Variants in MCU observed in about 807,000 individuals in gnomAD.
The protein encoded by MCU is calcium uniporter protein, mitochondrial.
Under a neutral mutation model 45.2 loss-of-function variants are expected in MCU, and 12 were observed. That is an observed-to-expected ratio of 0.27 (90% CI 0.17 to 0.43). The LOEUF is 0.43. MCU is among the 20% of genes least tolerant of loss of function. The probability of loss-of-function intolerance (pLI) is 1.00; values close to 1 mark genes in which losing one functional copy is unlikely to be tolerated. For synonymous variants in MCU, 160 were observed against 165.1 expected, an observed-to-expected ratio of 0.97 and a Z score of 0.24; for missense variants, 324 against 436.7, an observed-to-expected ratio of 0.74 and a Z score of 2.30.
chr10:72,868,597 C>G, intron 4 of MCU, 106 bp from the exon 5 acceptor site: 2 of 941,564 alleles, frequency 2.1e-6, no homozygotes, highest in Non-Finnish European at 3.2e-6. Context: ...CAGTTTAACA[C>G]TGAAGGTGAG....
At chr10:72,719,663 T>C (rs1274097870) in intron 1 of MCU, among the ~76,000 whole-genome samples, 1 of 152,238 alleles carries the variant, frequency 6.6e-6, no homozygotes, top group African/African-American at 2.4e-5. Flanking sequence ...CAGAGCTCTT[T>C]TTGTGATTTT....
At chr10:72,722,439 G>A (rs1436347262) in intron 1 of MCU, among the ~76,000 whole-genome samples, 1 of 148,958 alleles carries the variant, frequency 6.7e-6, no homozygotes, top group African/African-American at 2.5e-5. Context: ...TTAACCTCCC[G>A]CTTGACTTAG....
chr10:72,721,356 A>T (rs1204581417), intron 1 of MCU, among the ~76,000 whole-genome samples: 1 of 152,144 alleles, frequency 6.6e-6, no homozygotes, highest in African/African-American at 2.4e-5. Context: ...TTACTGGTAT[A>T]ATTACTCCCA....
intron 5 of MCU, among the ~76,000 whole-genome samples, chr10:72,869,663 A>G (rs776100566): frequency 2.0e-5 from 3 of 152,216 alleles, no homozygotes; most frequent in Non-Finnish European, 4.4e-5. Context: ...AAAAATCAAT[A>G]TAATGACTAT....
chr10:72,729,720 TACTC>T (rs1843145864), intron 1 of MCU, among the ~76,000 whole-genome samples: 1 of 152,158 alleles, frequency 6.6e-6, no homozygotes, highest in African/African-American at 2.4e-5. Context: ...TAGGTGGTAA[TACTC>T]AGTTACTCAA....
intron 1 of MCU, among the ~76,000 whole-genome samples, chr10:72,716,844 G>A (rs1377003489): frequency 1.3e-5 from 2 of 152,150 alleles, no homozygotes; most frequent in Admixed American, 1.3e-4. Flanking sequence ...TTGTACTCCA[G>A]CCTGGATGAC....
intron 1 of MCU, among the ~76,000 whole-genome samples, chr10:72,816,484 T>G (rs1844628559): frequency 6.6e-6 from 1 of 152,148 alleles, no homozygotes. Context: ...CAACAGTGAT[T>G]AAGACTAAGA....
intron 1 of MCU, among the ~76,000 whole-genome samples, chr10:72,758,363 A>C (rs142760082): frequency 6.6e-6 from 1 of 152,244 alleles, no homozygotes; most frequent in African/African-American, 2.4e-5. Context: ...ATTTATGTCA[A>C]AGAGGAATAT....
At chr10:72,794,064 T>C (rs907903844) in intron 1 of MCU, among the ~76,000 whole-genome samples, 29 of 152,216 alleles carry the variant, frequency 1.9e-4, no homozygotes, top group African/African-American at 7.0e-4. Context: ...AGGATCTCAT[T>C]ATCTAAATCA....
intron 1 of MCU, among the ~76,000 whole-genome samples, chr10:72,779,200 C>G (rs986988350): frequency 2.0e-5 from 3 of 152,150 alleles, no homozygotes; most frequent in Admixed American, 1.3e-4. Flanking sequence ...AATCTCTTGA[C>G]TTCGTGATCC....
chr10:72,805,256 C>CT (rs796813461), intron 1 of MCU, among the ~76,000 whole-genome samples: 154 of 124,002 alleles, frequency 1.2e-3, no homozygotes, highest in African/African-American at 4.3e-3. Context: ...TTCCTTTCTT[C>CT]TTTTTTTTTG....
intron 1 of MCU, among the ~76,000 whole-genome samples, chr10:72,833,724 C>T (rs189495133): frequency 1.3e-5 from 2 of 152,272 alleles, no homozygotes; most frequent in Admixed American, 1.3e-4. Context: ...GTTATGAGAA[C>T]CTGAGTCCCA....
intron 1 of MCU, among the ~76,000 whole-genome samples, chr10:72,806,879 A>G (rs960365442): frequency 6.6e-6 from 1 of 152,268 alleles, no homozygotes; most frequent in African/African-American, 2.4e-5. Context: ...CCATGAGGCC[A>G]GAAGCAAGCT....
At chr10:72,882,333 AAG>A (rs1845715273) in intron 6 of MCU, among the ~76,000 whole-genome samples, 1 of 152,256 alleles carries the variant, frequency 6.6e-6, no homozygotes, top group Non-Finnish European at 1.5e-5. Flanking sequence ...TTCAGGGAAT[AAG>A]AGAGATAACC....
intron 1 of MCU, among the ~76,000 whole-genome samples, chr10:72,809,214 C>T (rs1564563443): frequency 6.6e-6 from 1 of 152,150 alleles, no homozygotes. Context: ...TGCATTAGCC[C>T]TTTGTCACCT....
chr10:72,751,319 T>C (rs551227580), intron 1 of MCU, among the ~76,000 whole-genome samples: 5 of 147,560 alleles, frequency 3.4e-5, no homozygotes, highest in Middle Eastern at 3.6e-3. Context: ...GGTTTTTTTT[T>C]CTCTAACATC....
At chr10:72,726,657 TAATCTAAAAAA>T (rs1843106021) in intron 1 of MCU, among the ~76,000 whole-genome samples, 1 of 152,184 alleles carries the variant, frequency 6.6e-6, no homozygotes, top group South Asian at 2.1e-4. Context: ...TGAGTATTCC[TAATCTAAAAAA>T]AATCAAAATT....
At chr10:72,800,607 T>G (rs1417541888) in intron 1 of MCU, among the ~76,000 whole-genome samples, 1 of 152,228 alleles carries the variant, frequency 6.6e-6, no homozygotes, top group African/African-American at 2.4e-5. Flanking sequence ...TTACAGCCTC[T>G]GAATTGTTCT....
chr10:72,854,877 C>T (rs1379369706), intron 2 of MCU, among the ~76,000 whole-genome samples: 2 of 152,184 alleles, frequency 1.3e-5, no homozygotes, highest in Admixed American at 6.5e-5. Context: ...CCCACAGAGT[C>T]TAAAATATTT....
Sources: gnomAD v4.1 joint callset for allele counts (sites outside exome capture counted in the v4.1 genomes callset) on GRCh38, gnomAD v4.1.1 for gene constraint, MANE v1.5 for transcripts, NCBI Gene and HGNC (gene_info 2026-07-23, HGNC 2026-07-21) for gene names.